The following CTBP2 variants were observed in gnomAD, a reference collection of about 807,000 sequenced individuals.
CTBP2 encodes C-terminal-binding protein 2.
Under a neutral mutation model 80.3 loss-of-function variants are expected in CTBP2, and 30 were observed. The observed-to-expected ratio is 0.37, with a 90% CI of 0.28 to 0.51. CTBP2 has a LOEUF of 0.51. Ranked by LOEUF, CTBP2 falls within the 20% of genes least tolerant of loss-of-function variation. The pLI is 0.93. For synonymous variants in CTBP2, 594 were observed against 587.4 expected (o/e 1.01, Z -0.16); for missense variants, 1,212 against 1,375.3 (o/e 0.88, Z 1.88).
intron 2 of CTBP2, among the ~76,000 whole-genome samples, chr10:125,060,830 G>C (rs1964831203): frequency 6.6e-6 from 1 of 152,232 alleles, no homozygotes; most frequent in South Asian, 2.1e-4. Context: ...ACACGAAGCC[G>C]AGGCCAGGAC....
intron 8 of CTBP2, 21 bp from the exon 11 acceptor site, chr10:124,989,719 G>C: frequency 6.5e-7 from 1 of 1,538,886 alleles, no homozygotes; most frequent in Non-Finnish European, 8.7e-7. Flanking sequence ...CACAGAAATA[G>C]GGCCTTGTAA....
chr10:125,086,835 T>C (rs556294179), intron 2 of CTBP2, among the ~76,000 whole-genome samples: 1 of 152,124 alleles, frequency 6.6e-6, no homozygotes, highest in South Asian at 2.1e-4. Context: ...GACAACATGC[T>C]CTCCACTTGA....
At chr10:125,069,629 AG>A (rs1290508758) in intron 2 of CTBP2, among the ~76,000 whole-genome samples, 14 of 152,246 alleles carry the variant, frequency 9.2e-5, no homozygotes, top group African/African-American at 3.4e-4. Context: ...CAAACAAACA[AG>A]AAAACAAAAT....
At chr10:125,139,575 T>C (rs982174233) in intron 1 of CTBP2, among the ~76,000 whole-genome samples, 5 of 152,116 alleles carry the variant, frequency 3.3e-5, no homozygotes, top group African/African-American at 9.7e-5. Context: ...TTTTGGACTC[T>C]GGGAGCTTCC....
intron 3 of CTBP2, among the ~76,000 whole-genome samples, chr10:125,036,172 G>A (rs929828959): frequency 6.6e-6 from 1 of 152,166 alleles, no homozygotes; most frequent in Admixed American, 6.5e-5. Context: ...CAAGCTCCAT[G>A]CCACTTTTTC....
intron 2 of CTBP2, among the ~76,000 whole-genome samples, chr10:125,101,468 C>T (rs1021061749): frequency 9.2e-5 from 14 of 152,220 alleles, no homozygotes; most frequent in African/African-American, 2.7e-4. Context: ...GCCTTGGCTG[C>T]GGCTGGGATC....
At chr10:125,020,448 C>G (rs1255719940) in intron 1 of CTBP2, among the ~76,000 whole-genome samples, 1 of 152,188 alleles carries the variant, frequency 6.6e-6, no homozygotes, top group Non-Finnish European at 1.5e-5. Context: ...ACCAGGAAGA[C>G]AGAACGCCCC....
chr10:125,082,612 C>CAA (rs1554910153), intron 2 of CTBP2, among the ~76,000 whole-genome samples: 1 of 126,260 alleles, frequency 7.9e-6, no homozygotes, highest in African/African-American at 3.2e-5. Context: ...TTTTTTGAAA[C>CAA]AGTCTTGCTC....
intron 2 of CTBP2, among the ~76,000 whole-genome samples, chr10:125,040,833 T>G (rs940059095): frequency 6.6e-6 from 1 of 152,150 alleles, no homozygotes; most frequent in African/African-American, 2.4e-5. Flanking sequence ...TGAAAAGGCA[T>G]CCGAAAGATT....
intron 1 of CTBP2, among the ~76,000 whole-genome samples, chr10:125,011,741 C>T (rs907944888): frequency 8.5e-5 from 13 of 152,238 alleles, no homozygotes; most frequent in Admixed American, 7.2e-4. Context: ...CGGAGGAGCA[C>T]AGCGGGCCCA....
chr10:125,004,415 C>T (rs1364942683), intron 1 of CTBP2, among the ~76,000 whole-genome samples: 11 of 152,256 alleles, frequency 7.2e-5, no homozygotes, highest in Admixed American at 5.2e-4. Flanking sequence ...CAGCAGGCTC[C>T]GAAGACCTCA....
At chr10:125,161,660 C>T (rs1425533326), upstream of CTBP2, among the ~76,000 whole-genome samples, 1 of 152,042 alleles carries the variant, frequency 6.6e-6, no homozygotes, top group Non-Finnish European at 1.5e-5. Flanking sequence ...GCCCTCTGTG[C>T]TGCAAGTTGC....
At chr10:125,114,208 C>T (rs181128874) in intron 1 of CTBP2, among the ~76,000 whole-genome samples, 4 of 152,310 alleles carry the variant, frequency 2.6e-5, no homozygotes, top group African/African-American at 9.6e-5. Context: ...GAAGTGGCCT[C>T]AGCGTGTAAC....
chr10:125,023,342 C>T lies in CTBP2; in HGVS notation c.1678+2740G>A, dbSNP rs548843731. 1.1e-4 allele frequency among the ~76,000 whole-genome samples: 16 copies of T among 152,344 alleles called. No individual in the cohort carries two copies. The Middle Eastern group carries it at 0.01, about 97-fold the overall frequency. On this transcript the variant is annotated intron_variant, in intron 1 of 8. Coordinates refer to ENST00000309035, the MANE Select transcript of CTBP2 (RefSeq NM_022802.3). ...CCTGAGCTGAGCCCTGTGCAGGCTG[C>T]AGGCTTGGCTGTATTTTGTGAAGAC...
chr10:125,034,491 C>T (rs1349700229), intron 3 of CTBP2, among the ~76,000 whole-genome samples: 1 of 152,186 alleles, frequency 6.6e-6, no homozygotes, highest in Non-Finnish European at 1.5e-5. Context: ...AATGTAATTA[C>T]AGCTAATCAC....
upstream of CTBP2, among the ~76,000 whole-genome samples, chr10:125,032,371 G>A (rs530285208): frequency 4.4e-4 from 67 of 152,302 alleles, no homozygotes; most frequent in Non-Finnish European, 2.5e-4. Context: ...TCCACTGTTT[G>A]AGGTCTCCTC....
intron 1 of CTBP2, among the ~76,000 whole-genome samples, chr10:125,148,671 C>T (rs566969721): frequency 1.3e-5 from 2 of 152,286 alleles, no homozygotes; most frequent in South Asian, 4.1e-4. Context: ...AAGACATTCT[C>T]GAATTTACCA....
chr10:125,005,821 C>T (rs375211617), intron 1 of CTBP2: 36 of 1,605,990 alleles, frequency 2.2e-5, no homozygotes, highest in South Asian at 1.7e-4. Context: ...CCCAGGCGGT[C>T]GCCCACACAC....
At chr10:125,022,686 C>G (rs1468463541) in intron 1 of CTBP2, among the ~76,000 whole-genome samples, 1 of 152,374 alleles carries the variant, frequency 6.6e-6, no homozygotes, top group Admixed American at 6.5e-5. Flanking sequence ...GGCCAGCACA[C>G]AGGAAGGGCT....
Sources: gnomAD v4.1 joint callset for allele counts (sites outside exome capture counted in the v4.1 genomes callset) on GRCh38, gnomAD v4.1.1 for gene constraint, MANE v1.5 for transcripts, NCBI Gene and HGNC (gene_info 2026-07-23, HGNC 2026-07-21) for gene names.